Variants in ERN2 observed in about 807,000 individuals in gnomAD.
The protein encoded by ERN2 is endoplasmic reticulum to nucleus signaling 2.
ERN2 carries 111 observed loss-of-function variants against 107.9 expected under a neutral mutation model. That is an observed-to-expected ratio of 1.03 (90% CI 0.88 to 1.20). The LOEUF (loss-of-function observed/expected upper bound fraction) is 1.20, where lower values mean the gene tolerates loss of function less well. Ranked by LOEUF, ERN2 falls within the 50% of genes most tolerant of loss-of-function variation. ERN2 has a pLI of 0.00. For missense variants in ERN2, 1,225 were observed against 1,197.9 expected, an observed-to-expected ratio of 1.02 and a Z score of -0.33; for synonymous variants, 524 against 501.7, an observed-to-expected ratio of 1.04 and a Z score of -0.59.
Position 23,695,895 on chromosome 16 carries a change from G to A in ERN2, c.1609C>T (p.Arg537Trp), listed in dbSNP as rs1479805557. ...GRGAGGTFVF[R>W]GQFEGRAVAV... ...GCTTGGCTCCTGGCTGCCACTCACC[G>A]GAAAACGAAAGTCCCGCCTGCCCCG... The change falls in exon 14 of 22, where the codon CGG (arginine) becomes TGG (tryptophan). Residue 537 changes from arginine to tryptophan, a missense_variant and splice_region_variant. By Grantham distance (101) the Arg-to-Trp change is moderately radical. Transcript: ENST00000256797. 7 of 1,613,494 alleles carry A rather than the reference G, an allele frequency of 4.3e-6. No individual in the cohort carries two copies. In the Admixed American group the frequency reaches 5.0e-5, roughly 12 times the overall value.
rs769545035 is a variant in ERN2 at position 23,704,961 on chromosome 16, C to T, written c.776G>A (p.Arg259His). 6.9e-5 allele frequency: 111 copies of T among 1,613,824 alleles called. No homozygotes were observed. Among genetic ancestry groups the T allele is most frequent in the African/African-American group, 1.6e-4 (12 of 75,024 alleles). Reference sequence around the variant, plus strand: ...GGCAGGCAGTCGGATGTGGCCCCAGCGGAGGGCGAGGAAATGCAGAGTGTC... The same window carrying T: ...GGCAGGCAGTCGGATGTGGCCCCAGTGGAGGGCGAGGAAATGCAGAGTGTC... ...ARDTLHFLAL[R>H]WGHIRLPASG... Residue 259 changes from arginine to histidine, a missense_variant, in exon 8 of 22, where the codon CGC becomes CAC. Physicochemically the swap from Arg to His is conservative, Grantham distance 29. Transcript: ENST00000256797.
At chr16:23,707,220 G>A in intron 4 of ERN2, 141 bp from the exon 5 acceptor site, 1 of 679,216 alleles carries the variant, frequency 1.5e-6, no homozygotes, top group Non-Finnish European at 2.7e-6. Flanking sequence ...CTGGGGCTTG[G>A]AGAGGCCATG....
At position 23,690,669 on chromosome 16, in the gene ERN2, T is replaced by G; in HGVS notation, c.*162A>C. The G allele has an allele frequency of 1.6e-6, 1 of 632,112 alleles. No homozygotes were observed. The allele number at this position is 632,112 out of a possible 1,614,324, so 39.2% of individuals were successfully genotyped here. On this transcript the variant is annotated 3_prime_UTR_variant, in exon 22 of 22. Transcript: ENST00000256797. ...TGGGGTGTTGCCATGTTGGCCAGGC[T>G]GGTCTCGAACTCCTGAGCTCAAGTG...
chr16:23,702,325 C>T (rs1201415957), intron 10 of ERN2, 52 bp from the exon 11 acceptor site: 2 of 1,611,634 alleles, frequency 1.2e-6, no homozygotes, highest in Admixed American at 3.3e-5. Flanking sequence ...AGCTTTCCAG[C>T]TCAGAAGCTG....
intron 11 of ERN2, 47 bp downstream of exon 11, chr16:23,702,105 T>A: frequency 6.3e-7 from 1 of 1,577,324 alleles, no homozygotes; most frequent in Non-Finnish European, 8.6e-7. Context: ...ATTCCCCCCA[T>A]CTGCTGGGGC....
intron 13 of ERN2, among the ~76,000 whole-genome samples, chr16:23,696,316 C>A (rs1213495731): frequency 6.6e-6 from 1 of 152,038 alleles, no homozygotes; most frequent in Non-Finnish European, 1.5e-5. Context: ...GCTATATTAT[C>A]CTCTTTTATT....
chr16:23,695,200 C>T lies in ERN2; in HGVS notation c.1800G>A (p.Glu600=). The T allele has an allele frequency of 1.2e-6, 2 of 1,614,026 alleles. No individual in the cohort carries two copies. The highest frequency in any genetic ancestry group is 1.7e-6 in the Non-Finnish European group (2 of 1,179,934). The change falls in exon 15 of 22, where the codon GAG becomes GAA. Residue 600 remains glutamate, a splice_region_variant and synonymous_variant. Transcript: ENST00000256797. Reference sequence around the variant, plus strand: ...CTCCCTGAACCGCAATGCAACTCACCTCCTGCAAGGAGGCCCGGCAGAGCT... The same window carrying T: ...CTCCCTGAACCGCAATGCAACTCACTTCCTGCAAGGAGGCCCGGCAGAGCT... ...ALELCRASLQ[E]YVENPDLDRG...
At position 23,704,872 on chromosome 16, in the gene ERN2, C is replaced by T. The variant is rs201429992; in HGVS notation, c.854+11G>A. ...TGGCTCCCTCCCTGGGCCCCAGGCA[C>T]GAACACCTACAGCAGCTGGGTGTCC... is the stretch of plus-strand genomic sequence containing the variant. On this transcript the variant is annotated intron_variant, in intron 8 of 21. Transcript: ENST00000256797. 62 of 1,602,966 alleles carry T rather than the reference C, an allele frequency of 3.9e-5. No homozygotes were observed. The African/African-American group carries it at 5.6e-4, about 14-fold the overall frequency.
rs758159685 is a variant in ERN2 at position 23,691,106 on chromosome 16, C to A, written c.2568+23G>T. 1.4e-5 allele frequency: 22 copies of A among 1,613,654 alleles called. No homozygotes were observed. The Admixed American group carries it at 3.7e-4, about 27-fold the overall frequency. On this transcript the variant is annotated intron_variant, in intron 21 of 21. Transcript: ENST00000256797. The stretch of plus-strand genomic sequence containing the variant: ...CGGCCAGGCCTTCCCAAGACCCAGG[C>A]CCACCCAGGCCCCAACACATACCTT...
Position 23,700,947 on chromosome 16 carries a change from C to T in ERN2, c.1359+12G>A, listed in dbSNP as rs775095260. ...TCCCCAGATAGACCTGAGGTCAGGG[C>T]GGTGGGCCTACCTGCCTCATCACAA... On this transcript the variant is annotated intron_variant, in intron 12 of 21. Transcript: ENST00000256797. The T allele has an allele frequency of 2.1e-5, 34 of 1,612,204 alleles. No homozygotes were observed. Among genetic ancestry groups the T allele is most frequent in the East Asian group, 1.1e-4 (5 of 44,884 alleles).
chr16:23,703,533 C>T (rs1960177791), intron 8 of ERN2, among the ~76,000 whole-genome samples: 1 of 152,156 alleles, frequency 6.6e-6, no homozygotes, highest in Admixed American at 6.6e-5. Flanking sequence ...ATGAATGGTC[C>T]ACTTCTTTCC....
intron 13 of ERN2, among the ~76,000 whole-genome samples, chr16:23,698,323 C>A (rs1959910281): frequency 6.6e-6 from 1 of 152,190 alleles, no homozygotes; most frequent in African/African-American, 2.4e-5. Flanking sequence ...GCCTTAGTTT[C>A]CTCTTCCATA....
chr16:23,695,222 A>G lies in ERN2; in HGVS notation c.1778T>C (p.Leu593Pro). ...CACCTCCTGCAAGGAGGCCCGGCAG[A>G]GCTCCAGGGCAATGTAGTGGAACTG... ...GPQFHYIALE[L>P]CRASLQEYVE... is the part of the protein sequence containing the mutation. The change falls in exon 15 of 22, where the codon CTC becomes CCC. Residue 593 changes from leucine (L) to proline (P), a missense_variant. Leu to Pro is a moderately conservative substitution (Grantham distance 98). Coordinates refer to ENST00000256797, the MANE Select transcript of ERN2 (RefSeq NM_033266.4). The G allele has an allele frequency of 1.2e-6, 2 of 1,614,088 alleles. No homozygotes were observed. Among genetic ancestry groups the G allele is most frequent in the African/African-American group, 2.7e-5 (2 of 75,034 alleles).
chr16:23,694,785 G>T lies in ERN2; in HGVS notation c.2043C>A (p.Pro681=), dbSNP rs200960092. Residue 681 remains proline, a synonymous_variant, in exon 17 of 22, where the codon CCC becomes CCA. Coordinates refer to ENST00000256797, the MANE Select transcript of ERN2 (RefSeq NM_033266.4). ...CGGGCGCCATCCAGCCTTCCGTGCC[G>T]GGGATGCCGGAGTGGAGGCTGAAGC... ...RCSFSLHSGI[P]GTEGWMAPEL... is the part of the protein sequence containing the mutation. The T allele has an allele frequency of 4.9e-5, 79 of 1,613,098 alleles. No individual in the cohort carries two copies. The African/African-American group carries it at 9.3e-4, about 19-fold the overall frequency.
At chr16:23,696,466 G>A (rs74012333) in intron 13 of ERN2, among the ~76,000 whole-genome samples, 12,190 of 152,200 alleles carry the variant, frequency 0.08, 748 homozygotes, top group African/African-American at 0.16. Flanking sequence ...TCAACTTCAA[G>A]GTAAGGTGAG....
At chr16:23,705,276 G>A in intron 7 of ERN2, 129 bp from the exon 8 acceptor site, 1 of 1,025,646 alleles carries the variant, frequency 9.7e-7, no homozygotes, top group Non-Finnish European at 1.4e-6. Context: ...ACATGAGAAT[G>A]TTTGTTGGAG....
At chr16:23,701,797 T>C (rs1404840715) in intron 11 of ERN2, among the ~76,000 whole-genome samples, 1 of 152,038 alleles carries the variant, frequency 6.6e-6, no homozygotes. Context: ...TCCCCACTAA[T>C]TTTTTATTTT....
At chr16:23,697,604 C>T (rs961022988) in intron 13 of ERN2, among the ~76,000 whole-genome samples, 2 of 152,242 alleles carry the variant, frequency 1.3e-5, no homozygotes, top group Non-Finnish European at 2.9e-5. Context: ...GAAGCACCCT[C>T]GAAGAGACAG....
intron 4 of ERN2, among the ~76,000 whole-genome samples, chr16:23,708,888 A>G (rs1960430180): frequency 1.3e-5 from 2 of 152,122 alleles, no homozygotes; most frequent in South Asian, 4.1e-4. Flanking sequence ...TTTCTTATAA[A>G]TTACCCAGTC....
Sources: allele counts gnomAD v4.1 joint callset (sites outside exome capture counted in the v4.1 genomes callset), GRCh38; gene constraint gnomAD v4.1.1; transcripts MANE v1.5; gene names NCBI Gene and HGNC (gene_info 2026-07-23, HGNC 2026-07-21).